Variants in SEZ6 observed in about 807,000 individuals in gnomAD.
SEZ6 encodes seizure protein 6 homolog.
A neutral mutation model predicts 101.0 loss-of-function variants in SEZ6; 53 were observed. That is an observed-to-expected ratio of 0.52 (90% CI 0.42 to 0.66). The LOEUF (loss-of-function observed/expected upper bound fraction) is 0.66, where lower values mean the gene tolerates loss of function less well. Ranked by LOEUF, SEZ6 falls within the 30% of genes least tolerant of loss-of-function variation. The pLI, the probability that SEZ6 is intolerant of heterozygous loss-of-function variation, is 0.00. For missense variants in SEZ6, 1,102 were observed against 1,289.4 expected (o/e 0.85, Z 2.23); for synonymous variants, 488 against 512.2 (o/e 0.95, Z 0.64).
chr17:28,960,731 C>T lies in SEZ6; in HGVS notation c.1410-60G>A, dbSNP rs890316476. 2.0e-5 allele frequency: 33 copies of T among 1,611,674 alleles called. No individual in the cohort carries two copies. The East Asian group carries it at 7.4e-4, about 36-fold the overall frequency. ...GGCTGACCCAGATGGGGTGTGGCCC[C>T]AGGCTTGGGTAGCGTCCCTCCAGCA... is the stretch of plus-strand genomic sequence containing the variant. On this transcript the variant is annotated intron_variant, in intron 6 of 16. Coordinates refer to ENST00000317338, the MANE Select transcript of SEZ6 (RefSeq NM_178860.5).
At chr17:28,981,272 G>A (rs2041296990) in intron 2 of SEZ6, 99 bp downstream of exon 2, 4 of 1,455,134 alleles carry the variant, frequency 2.7e-6, no homozygotes, top group African/African-American at 2.8e-5. Flanking sequence ...TGGTGCCAAA[G>A]GGCAGGGCAG....
In SEZ6 at chr17:28,961,525, GT is replaced by G. The variant is rs56717018; in HGVS notation, c.1241-553del. On this transcript the variant is annotated intron_variant, in intron 5 of 16. Transcript: ENST00000317338. The stretch of plus-strand genomic sequence containing the variant: ...AATGAGTGAATGAATGTAAAAAGGG[GT>G]TAGCACTAGATCCGGGCGGCAAACA... Among the ~76,000 whole-genome samples the G allele has an allele frequency of 9.8e-3, 1,490 of 152,268 alleles. 21 individuals are homozygous for G. The highest frequency in any genetic ancestry group is 0.034 in the African/African-American group (1,422 of 41,534).
chr17:29,001,982 A>G (rs2041620859), intron 1 of SEZ6, among the ~76,000 whole-genome samples: 2 of 152,188 alleles, frequency 1.3e-5, no homozygotes, highest in Non-Finnish European at 2.9e-5. Context: ...GGACAGGGGT[A>G]TATGTGAGAT....
intron 3 of SEZ6, among the ~76,000 whole-genome samples, chr17:28,976,744 C>T (rs1209744584): frequency 2.6e-5 from 4 of 152,238 alleles, no homozygotes; most frequent in African/African-American, 7.2e-5. Flanking sequence ...CGCCCCTACA[C>T]AACAAAGCCA....
chr17:28,991,491 T>C (rs1156631567), intron 1 of SEZ6, among the ~76,000 whole-genome samples: 1 of 152,098 alleles, frequency 6.6e-6, no homozygotes, highest in Non-Finnish European at 1.5e-5. Flanking sequence ...CAGGTATGAG[T>C]CACAGCGCCC....
chr17:28,972,079 C>G, intron 3 of SEZ6, among the ~76,000 whole-genome samples: 1 of 152,358 alleles, frequency 6.6e-6, no homozygotes, highest in African/African-American at 2.4e-5. Context: ...TGGGACTCTG[C>G]GGGGGCAATA....
At chr17:28,956,087 T>C in intron 16 of SEZ6, 72 bp downstream of exon 16, 1 of 1,593,082 alleles carries the variant, frequency 6.3e-7, no homozygotes. Flanking sequence ...GGCAGGACCC[T>C]CAGGGTTATC....
At chr17:28,977,421 G>A (rs1407196203) in intron 3 of SEZ6, among the ~76,000 whole-genome samples, 1 of 152,288 alleles carries the variant, frequency 6.6e-6, no homozygotes, top group Non-Finnish European at 1.5e-5. Context: ...TGGCACCGAG[G>A]TGGAGGGTGG....
chr17:28,984,875 ACG>A (rs2041356042), intron 1 of SEZ6, among the ~76,000 whole-genome samples: 7 of 152,176 alleles, frequency 4.6e-5, no homozygotes, highest in Admixed American at 4.6e-4. Context: ...GCAGGGACTG[ACG>A]AAGGGAGAGT....
chr17:28,964,790 C>T (rs1320739048), intron 4 of SEZ6, among the ~76,000 whole-genome samples: 2 of 152,250 alleles, frequency 1.3e-5, no homozygotes, highest in Admixed American at 6.5e-5. Context: ...GGGCCGGTGT[C>T]TCATGCCTGT....
At chr17:28,980,203 CTTTCTT>C in intron 2 of SEZ6, among the ~76,000 whole-genome samples, 1 of 134,054 alleles carries the variant, frequency 7.5e-6, no homozygotes, top group Non-Finnish European at 1.6e-5. Context: ...GGTTTGTTTT[CTTTCTT>C]TTTTTTTTTT....
At chr17:29,000,534 A>G (rs2041602237) in intron 1 of SEZ6, among the ~76,000 whole-genome samples, 1 of 152,206 alleles carries the variant, frequency 6.6e-6, no homozygotes, top group East Asian at 1.9e-4. Context: ...ATGGGTAGAT[A>G]TACCCCAGGG....
At chr17:28,991,086 G>C (rs1007478149) in intron 1 of SEZ6, among the ~76,000 whole-genome samples, 5 of 151,970 alleles carry the variant, frequency 3.3e-5, no homozygotes, top group African/African-American at 1.2e-4. Flanking sequence ...TTGTATTTTA[G>C]TAGGGATGAG....
chr17:28,980,431 A>G (rs962395019), intron 2 of SEZ6, among the ~76,000 whole-genome samples: 1 of 149,750 alleles, frequency 6.7e-6, no homozygotes, highest in Non-Finnish European at 1.5e-5. Context: ...GTGCAGTGAC[A>G]TGATCTTGGC....
At position 28,978,444 on chromosome 17, in the gene SEZ6, G is replaced by A. The variant is rs550837852; in HGVS notation, c.858+1236C>T. ...TTGGATGGAAGGCAGACTGCTAAGA[G>A]CTAAGATGGGGGATGCCCCAGGCTT... On this transcript the variant is annotated intron_variant, in intron 3 of 16. Transcript: ENST00000317338. Among the ~76,000 whole-genome samples, 10 of 152,364 alleles carry A rather than the reference G, an allele frequency of 6.6e-5. 1 individual carries two copies. The South Asian group carries it at 2.1e-3, about 32-fold the overall frequency.
intron 1 of SEZ6, among the ~76,000 whole-genome samples, chr17:28,990,269 G>A (rs927108022): frequency 6.6e-6 from 1 of 151,942 alleles, no homozygotes; most frequent in Non-Finnish European, 1.5e-5. Flanking sequence ...ATGTCTTTTC[G>A]GACTTTTGCA....
chr17:28,982,281 TC>T, intron 1 of SEZ6, among the ~76,000 whole-genome samples: 1 of 152,308 alleles, frequency 6.6e-6, no homozygotes, highest in East Asian at 1.9e-4. Flanking sequence ...TTCTAGCCCA[TC>T]CGTGCACTAT....
At chr17:28,963,892 A>G in intron 5 of SEZ6, 70 bp downstream of exon 5, 2 of 1,532,256 alleles carry the variant, frequency 1.3e-6, no homozygotes, top group Non-Finnish European at 1.8e-6. Flanking sequence ...GCAGAGAGCA[A>G]CAGAGAGCAG....
rs150800762 is a variant in SEZ6 at position 28,991,425 on chromosome 17, C to T, written c.56-9386G>A. ...TTCACCATGTTGGCCAGGCTGGTCT[C>T]GAACTCCTGACCTCAGGTGATCGGC... On this transcript the variant is annotated intron_variant, in intron 1 of 16. Transcript: ENST00000317338. Among the ~76,000 whole-genome samples the T allele has an allele frequency of 7.8e-3, 1,181 of 152,268 alleles. 14 individuals are homozygous for T. The highest frequency in any genetic ancestry group is 0.025 in the African/African-American group (1,019 of 41,552).
Sources: gnomAD v4.1 joint callset for allele counts (sites outside exome capture counted in the v4.1 genomes callset) on GRCh38, gnomAD v4.1.1 for gene constraint, MANE v1.5 for transcripts, NCBI Gene and HGNC (gene_info 2026-07-23, HGNC 2026-07-21) for gene names.